GRIK1: variants seen among roughly 807,000 people sequenced by gnomAD.
GRIK1 encodes glutamate ionotropic receptor kainate type subunit 1.
In GRIK1, 69 loss-of-function variants were observed where a neutral mutation model predicts 105.7. The observed-to-expected ratio is 0.65, with a 90% CI of 0.54 to 0.80. GRIK1 has a LOEUF of 0.80. Ranked by LOEUF, GRIK1 falls within the 30% of genes least tolerant of loss-of-function variation. The probability of loss-of-function intolerance (pLI) is 0.00; values close to 1 mark genes in which losing one functional copy is unlikely to be tolerated. For missense variants in GRIK1, 1,109 were observed against 1,167.3 expected (o/e 0.95, Z 0.73); for synonymous variants, 438 against 431.3 (o/e 1.02, Z -0.19).
chr21:29,787,710 C>T (rs562826382), intron 1 of GRIK1, among the ~76,000 whole-genome samples: 17 of 152,288 alleles, frequency 1.1e-4, no homozygotes, highest in African/African-American at 3.1e-4. Flanking sequence ...AGCCTATAGA[C>T]GCACCACGAT....
chr21:29,743,696 GA>G (rs1569038801), intron 1 of GRIK1, among the ~76,000 whole-genome samples: 1 of 151,760 alleles, frequency 6.6e-6, no homozygotes, highest in Non-Finnish European at 1.5e-5. Context: ...CTCCATCTCA[GA>G]AAAAAATATA....
At position 29,874,866 on chromosome 21, in the gene GRIK1, T is replaced by C. The variant is rs534011006; in HGVS notation, c.118+64517A>G. ...CACATTTTTTGAACCATATCAGCCA[T>C]GTTGATTCATGATTACATTTTAAAA... On this transcript the variant is annotated intron_variant, in intron 1 of 17. Transcript: ENST00000327783. 3.3e-5 allele frequency among the ~76,000 whole-genome samples: 5 copies of C among 152,340 alleles called. No individual in the cohort carries two copies. In the East Asian group the frequency reaches 9.6e-4, roughly 29 times the overall value.
chr21:29,545,458 A>G (rs1411050509), intron 16 of GRIK1, among the ~76,000 whole-genome samples: 1 of 152,190 alleles, frequency 6.6e-6, no homozygotes, highest in Non-Finnish European at 1.5e-5. Context: ...CACCTCATGG[A>G]AAACGCTTGA....
At chr21:29,650,418 T>G (rs557610765) in intron 6 of GRIK1, among the ~76,000 whole-genome samples, 5 of 152,226 alleles carry the variant, frequency 3.3e-5, no homozygotes, top group Non-Finnish European at 5.9e-5. Context: ...AAAAAATTAT[T>G]TCCTGCTATT....
At chr21:29,918,311 C>T (rs1602046347) in intron 1 of GRIK1, among the ~76,000 whole-genome samples, 1 of 152,198 alleles carries the variant, frequency 6.6e-6, no homozygotes, top group African/African-American at 2.4e-5. Flanking sequence ...AAGCACTGTA[C>T]TAATCGCTTT....
chr21:29,855,155 C>A (rs1456671453), intron 1 of GRIK1, among the ~76,000 whole-genome samples: 2 of 152,138 alleles, frequency 1.3e-5, no homozygotes, highest in East Asian at 3.8e-4. Flanking sequence ...GTATTGGAAC[C>A]CTGTGAGATA....
intron 1 of GRIK1, among the ~76,000 whole-genome samples, chr21:29,913,035 T>C (rs2070873093): frequency 6.6e-6 from 1 of 152,122 alleles, no homozygotes; most frequent in Non-Finnish European, 1.5e-5. Flanking sequence ...GGGTGTTTAA[T>C]AAGATATTTT....
intron 2 of GRIK1, among the ~76,000 whole-genome samples, chr21:29,692,580 T>G (rs1005726747): frequency 2.0e-5 from 3 of 152,352 alleles, no homozygotes; most frequent in African/African-American, 7.2e-5. Context: ...TAATGTTTTT[T>G]GTTTTGTTTT....
At chr21:29,587,120 G>T (rs1054783519) in intron 12 of GRIK1, among the ~76,000 whole-genome samples, 3 of 152,054 alleles carry the variant, frequency 2.0e-5, no homozygotes, top group African/African-American at 7.2e-5. Flanking sequence ...ATTTTATGTT[G>T]CTTGAAATAG....
chr21:29,739,125 A>C (rs2064865737), intron 1 of GRIK1, among the ~76,000 whole-genome samples: 1 of 152,248 alleles, frequency 6.6e-6, no homozygotes, highest in East Asian at 1.9e-4. Context: ...CATTAAAAAT[A>C]TAATATAATG....
intron 14 of GRIK1, among the ~76,000 whole-genome samples, chr21:29,569,097 A>C (rs539333077): frequency 6.6e-6 from 1 of 152,324 alleles, no homozygotes; most frequent in African/African-American, 2.4e-5. Flanking sequence ...GGGCACTGAC[A>C]CTTCTTCTGG....
chr21:29,654,945 T>C (rs2062820879), intron 4 of GRIK1, 82 bp from the exon 5 acceptor site: 2 of 875,682 alleles, frequency 2.3e-6, no homozygotes, highest in East Asian at 2.4e-5. Context: ...CTGCAAATGC[T>C]TGGAAACATA....
chr21:29,927,136 C>T (rs1033222310), intron 1 of GRIK1, among the ~76,000 whole-genome samples: 15 of 152,042 alleles, frequency 9.9e-5, no homozygotes, highest in Admixed American at 7.9e-4. Context: ...ACAGACATTG[C>T]CTTGCCCAGT....
At chr21:29,572,764 CTT>C (rs1006767854) in intron 14 of GRIK1, among the ~76,000 whole-genome samples, 1 of 147,810 alleles carries the variant, frequency 6.8e-6, no homozygotes, top group African/African-American at 2.5e-5. Context: ...CTCAATTGGT[CTT>C]TTTTTTTTCT....
At chr21:29,595,574 G>T (rs928971357) in intron 9 of GRIK1, among the ~76,000 whole-genome samples, 6 of 152,136 alleles carry the variant, frequency 3.9e-5, no homozygotes, top group Non-Finnish European at 2.9e-5. Flanking sequence ...GGAGAAACTT[G>T]TGTACACTTT....
intron 1 of GRIK1, among the ~76,000 whole-genome samples, chr21:29,749,413 C>T (rs1290324924): frequency 1.3e-5 from 2 of 152,180 alleles, no homozygotes; most frequent in African/African-American, 2.4e-5. Context: ...TGTCTAATAG[C>T]CTTGGCCTCA....
At chr21:29,810,535 C>T (rs992193530) in intron 1 of GRIK1, among the ~76,000 whole-genome samples, 3 of 152,120 alleles carry the variant, frequency 2.0e-5, no homozygotes, top group African/African-American at 2.4e-5. Flanking sequence ...GTATAGTTCC[C>T]ATTTTCCTTC....
intron 1 of GRIK1, among the ~76,000 whole-genome samples, chr21:29,748,535 G>T (rs982019137): frequency 7.2e-5 from 11 of 152,130 alleles, no homozygotes; most frequent in Admixed American, 3.9e-4. Flanking sequence ...TGACAATTTG[G>T]GCAACTTTGT....
chr21:29,759,478 T>C (rs1031284242), intron 1 of GRIK1, among the ~76,000 whole-genome samples: 1 of 152,224 alleles, frequency 6.6e-6, no homozygotes, highest in Non-Finnish European at 1.5e-5. Context: ...GTTAAACTAA[T>C]TTATATGAAA....
Sources: gnomAD v4.1 joint callset for allele counts (sites outside exome capture counted in the v4.1 genomes callset) on GRCh38, gnomAD v4.1.1 for gene constraint, MANE v1.5 for transcripts, NCBI Gene and HGNC (gene_info 2026-07-23, HGNC 2026-07-21) for gene names.